The following CLYBL variants were observed in gnomAD, a reference collection of about 807,000 sequenced individuals.
CLYBL encodes the protein citramalyl-CoA lyase, mitochondrial.
Under a neutral mutation model 38.9 loss-of-function variants are expected in CLYBL, and 31 were observed. That is an observed-to-expected ratio of 0.80 (90% CI 0.60 to 1.08). CLYBL has a LOEUF of 1.08. CLYBL is among the 50% of genes least tolerant of loss of function. The pLI is 0.00. For synonymous variants in CLYBL, 171 were observed against 158.6 expected, an observed-to-expected ratio of 1.08 and a Z score of -0.59; for missense variants, 434 against 411.6, an observed-to-expected ratio of 1.05 and a Z score of -0.47.
chr13:99,765,811 C>T (rs551051459), intron 1 of CLYBL, among the ~76,000 whole-genome samples: 7 of 150,816 alleles, frequency 4.6e-5, no homozygotes, highest in Admixed American at 2.0e-4. Flanking sequence ...TTCCAAAGTA[C>T]GGGGATTACA....
intron 7 of CLYBL, among the ~76,000 whole-genome samples, chr13:99,889,679 G>A (rs1463765857): frequency 6.6e-6 from 1 of 152,140 alleles, no homozygotes; most frequent in African/African-American, 2.4e-5. Context: ...ATCCTAGTAG[G>A]CTTAGAATCT....
intron 2 of CLYBL, among the ~76,000 whole-genome samples, chr13:99,826,536 A>T (rs1239216702): frequency 6.6e-6 from 1 of 152,074 alleles, no homozygotes; most frequent in African/African-American, 2.4e-5. Context: ...TTGCAATCCA[A>T]CTCTCAGCAG....
intron 2 of CLYBL, among the ~76,000 whole-genome samples, chr13:99,796,735 G>A (rs2050029137): frequency 6.6e-6 from 1 of 152,202 alleles, no homozygotes; most frequent in Admixed American, 6.5e-5. Context: ...CATCCTAGCA[G>A]AAGTGAGCCA....
At chr13:99,763,830 G>A (rs147311189) in intron 1 of CLYBL, among the ~76,000 whole-genome samples, 375 of 152,248 alleles carry the variant, frequency 2.5e-3, no homozygotes, top group Non-Finnish European at 3.0e-3. Context: ...TGGGATTACA[G>A]GCGTGAGCCA....
intron 1 of CLYBL, among the ~76,000 whole-genome samples, chr13:99,629,397 C>T (rs2046912400): frequency 6.6e-6 from 1 of 152,238 alleles, no homozygotes; most frequent in Non-Finnish European, 1.5e-5. Context: ...TCCGCCTTCC[C>T]CCTCCTCCAG....
At chr13:99,625,174 G>T (rs1476453604) in intron 1 of CLYBL, among the ~76,000 whole-genome samples, 11 of 152,152 alleles carry the variant, frequency 7.2e-5, no homozygotes, top group Admixed American at 7.2e-4. Flanking sequence ...GCTGTCCATC[G>T]GGCTGTAAGC....
intron 1 of CLYBL, among the ~76,000 whole-genome samples, chr13:99,624,640 G>A (rs1035036147): frequency 2.6e-5 from 4 of 152,172 alleles, no homozygotes; most frequent in Non-Finnish European, 5.9e-5. Context: ...GGGCAGAGGG[G>A]AAACCTCAAT....
chr13:99,662,004 C>A (rs528638890), intron 1 of CLYBL, among the ~76,000 whole-genome samples: 19 of 152,272 alleles, frequency 1.2e-4, no homozygotes, highest in African/African-American at 4.3e-4. Context: ...GTTTCTGCCG[C>A]AGCTGAAGGG....
At chr13:99,612,214 T>C (rs1203823947) in intron 1 of CLYBL, among the ~76,000 whole-genome samples, 2 of 152,170 alleles carry the variant, frequency 1.3e-5, no homozygotes, top group Non-Finnish European at 2.9e-5. Flanking sequence ...GTTATTTTGC[T>C]CTTTTTAAAG....
At chr13:99,857,665 C>T (rs1456679449) in intron 2 of CLYBL, among the ~76,000 whole-genome samples, 1 of 152,224 alleles carries the variant, frequency 6.6e-6, no homozygotes, top group Non-Finnish European at 1.5e-5. Flanking sequence ...CATAGACCCA[C>T]ATCTGTCTGG....
chr13:99,833,683 CTTTTTTT>C (rs35378080), intron 2 of CLYBL, among the ~76,000 whole-genome samples: 3 of 56,114 alleles, frequency 5.3e-5, no homozygotes, highest in African/African-American at 7.6e-5. Flanking sequence ...TACCGTGTTG[CTTTTTTT>C]TTTTTTTTTT....
intron 1 of CLYBL, among the ~76,000 whole-genome samples, chr13:99,671,283 TG>T (rs1391387802): frequency 6.6e-6 from 1 of 152,220 alleles, no homozygotes; most frequent in East Asian, 1.9e-4. Flanking sequence ...TGTCAATTTT[TG>T]TTTTTTGTTT....
At chr13:99,883,841 A>G (rs2052279586) in intron 7 of CLYBL, among the ~76,000 whole-genome samples, 1 of 152,080 alleles carries the variant, frequency 6.6e-6, no homozygotes, top group African/African-American at 2.4e-5. Context: ...TGACTTTTAA[A>G]TACCTGTTCC....
intron 2 of CLYBL, among the ~76,000 whole-genome samples, chr13:99,823,365 T>C (rs2050623718): frequency 6.6e-6 from 1 of 152,170 alleles, no homozygotes; most frequent in South Asian, 2.1e-4. Context: ...TATACCTGGC[T>C]AGTTTACAGG....
At chr13:99,796,046 C>G (rs1055089407) in intron 2 of CLYBL, among the ~76,000 whole-genome samples, 1 of 152,194 alleles carries the variant, frequency 6.6e-6, no homozygotes, top group African/African-American at 2.4e-5. Flanking sequence ...TGGAAAAAAA[C>G]TGTTCCACAT....
intron 1 of CLYBL, among the ~76,000 whole-genome samples, chr13:99,666,700 A>G (rs561160099): frequency 6.6e-5 from 10 of 152,196 alleles, no homozygotes; most frequent in African/African-American, 1.7e-4. Context: ...TTATGCACAC[A>G]TGGTATTTTT....
intron 7 of CLYBL, among the ~76,000 whole-genome samples, chr13:99,872,636 A>G (rs2051935929): frequency 6.6e-6 from 1 of 152,214 alleles, no homozygotes; most frequent in African/African-American, 2.4e-5. Context: ...TTGAAACGAG[A>G]GAGCAGAGTT....
chr13:99,790,762 G>C (rs1480261987), intron 2 of CLYBL, among the ~76,000 whole-genome samples: 1 of 152,116 alleles, frequency 6.6e-6, no homozygotes, highest in Non-Finnish European at 1.5e-5. Context: ...TGGTCCTTCA[G>C]GCAGTGGCAC....
At chr13:99,859,955 T>TA (rs1178956937) in intron 3 of CLYBL, among the ~76,000 whole-genome samples, 1 of 152,064 alleles carries the variant, frequency 6.6e-6, no homozygotes, top group Non-Finnish European at 1.5e-5. Flanking sequence ...CCACATCTAG[T>TA]ATTATCTCTG....
Sources: gnomAD v4.1 joint callset for allele counts (sites outside exome capture counted in the v4.1 genomes callset) on GRCh38, gnomAD v4.1.1 for gene constraint, MANE v1.5 for transcripts, NCBI Gene and HGNC (gene_info 2026-07-23, HGNC 2026-07-21) for gene names.